The following TINAG variants were observed in gnomAD, a reference collection of about 807,000 sequenced individuals.
The protein encoded by TINAG is tubulointerstitial nephritis antigen.
Under a neutral mutation model 72.7 loss-of-function variants are expected in TINAG, and 83 were observed. The observed-to-expected ratio is 1.14, with a 90% CI of 0.96 to 1.37. TINAG has a LOEUF of 1.37. Ranked by LOEUF, TINAG falls within the 40% of genes most tolerant of loss-of-function variation. The probability of loss-of-function intolerance (pLI) is 0.00; values close to 1 mark genes in which losing one functional copy is unlikely to be tolerated. For synonymous variants in TINAG, 234 were observed against 189.9 expected, an observed-to-expected ratio of 1.23 and a Z score of -1.91; for missense variants, 685 against 576.6, an observed-to-expected ratio of 1.19 and a Z score of -1.93.
chr6:54,339,338 A>G (rs571033294), intron 4 of TINAG, among the ~76,000 whole-genome samples: 83 of 152,174 alleles, frequency 5.5e-4, no homozygotes, highest in Non-Finnish European at 1.0e-3. Flanking sequence ...TCCATTGCCC[A>G]GCACCTTTAT....
intron 1 of TINAG, among the ~76,000 whole-genome samples, chr6:54,314,064 A>T (rs3798276): frequency 6.6e-6 from 1 of 152,008 alleles, no homozygotes; most frequent in Non-Finnish European, 1.5e-5. Context: ...ATTAAGAAGC[A>T]TCGTGTGACT....
rs183919707 is a variant in TINAG, at chr6:54,334,948, T to G, written c.624+8032T>G. On this transcript the variant is annotated intron_variant, in intron 4 of 10. Coordinates refer to ENST00000259782, the MANE Select transcript of TINAG (RefSeq NM_014464.4). Reference sequence around the variant, plus strand: ...AACTGTATGATCAACAGAAAAAGAGTTTTTTTTTTCTGTTTTATTTCTCAT... The same window carrying G: ...AACTGTATGATCAACAGAAAAAGAGGTTTTTTTTTCTGTTTTATTTCTCAT... Among the ~76,000 whole-genome samples, 228 of 148,142 alleles carry G rather than the reference T, an allele frequency of 1.5e-3. 1 individual carries two copies. Among genetic ancestry groups the G allele is most frequent in the African/African-American group, 2.9e-3 (115 of 39,848 alleles).
At chr6:54,386,096 G>A (rs1186220701) in intron 10 of TINAG, among the ~76,000 whole-genome samples, 1 of 151,778 alleles carries the variant, frequency 6.6e-6, no homozygotes, top group East Asian at 1.9e-4. Context: ...TCGCCATGTC[G>A]CCCAGGCTGG....
Position 54,347,435 on chromosome 6 carries a change from T to C in TINAG, c.817T>C (p.Leu273=). 6.2e-7 allele frequency: 1 copy of C among 1,613,344 alleles called. No homozygotes were observed. Among genetic ancestry groups the C allele is most frequent in the Non-Finnish European group, 8.5e-7 (1 of 1,179,584 alleles). Residue 273 remains leucine, a synonymous_variant, in exon 6 of 11, where the codon TTG becomes CTG. Coordinates refer to ENST00000259782, the MANE Select transcript of TINAG (RefSeq NM_014464.4). ...CACGGCCAATCTATCCCCTCAGAATTTGATCTCTTGCTGTGCCAAGAACCG... is the reference window on the plus strand; with the variant it reads ...CACGGCCAATCTATCCCCTCAGAATCTGATCTCTTGCTGTGCCAAGAACCG... ...RYTANLSPQN[L]ISCCAKNRHG...
intron 1 of TINAG, among the ~76,000 whole-genome samples, chr6:54,319,286 A>G (rs1784438144): frequency 1.3e-5 from 2 of 152,164 alleles, no homozygotes; most frequent in Admixed American, 6.6e-5. Context: ...TAGGTAATAA[A>G]ATATTTTAGA....
At chr6:54,372,778 A>ACG (rs150816839) in intron 9 of TINAG, among the ~76,000 whole-genome samples, 42,309 of 147,094 alleles carry the variant, frequency 0.29, 7,006 homozygotes, top group African/African-American at 0.43. Flanking sequence ...ATATACACAC[A>ACG]CACACACATA....
chr6:54,308,245 A>G (rs1438583569), upstream of TINAG: 19 of 825,672 alleles, frequency 2.3e-5, 1 homozygote, highest in Admixed American at 4.5e-4. Flanking sequence ...TAGTCAATGT[A>G]TCTCTATGCA....
Position 54,343,299 on chromosome 6 carries a change from G to A in TINAG, c.698G>A (p.Gly233Asp), listed in dbSNP as rs267601080. ...TATAAATGGCCTGGATGGACTCATGGCCCATTGGATCAAAAAAATTGTGCT... is the reference window on the plus strand; with the variant it reads ...TATAAATGGCCTGGATGGACTCATGACCCATTGGATCAAAAAAATTGTGCT... ...ASYKWPGWTH[G>D]PLDQKNCAAS... is the part of the protein sequence containing the mutation. Residue 233 changes from glycine (G) to aspartate (D), a missense_variant, in exon 5 of 11, where the codon GGC (glycine) becomes GAC (aspartate). Physicochemically the swap from Gly to Asp is moderately conservative, Grantham distance 94. Coordinates refer to ENST00000259782, the MANE Select transcript of TINAG (RefSeq NM_014464.4). 2.5e-6 allele frequency: 4 copies of A among 1,573,816 alleles called. No homozygotes were observed. The African/African-American group carries it at 4.1e-5, about 16-fold the overall frequency.
At chr6:54,383,732 A>C (rs1248011998) in intron 10 of TINAG, among the ~76,000 whole-genome samples, 1 of 152,174 alleles carries the variant, frequency 6.6e-6, no homozygotes, top group Non-Finnish European at 1.5e-5. Context: ...ATTAAGAAAA[A>C]TCTAGATGAA....
intron 5 of TINAG, among the ~76,000 whole-genome samples, chr6:54,343,890 T>C (rs1316317286): frequency 6.6e-6 from 1 of 152,174 alleles, no homozygotes; most frequent in Non-Finnish European, 1.5e-5. Flanking sequence ...GATCTTTTAA[T>C]AAGAATAGCT....
intron 9 of TINAG, among the ~76,000 whole-genome samples, chr6:54,370,819 T>C (rs12664425): frequency 0.16 from 23,934 of 152,042 alleles, 2,026 homozygotes; most frequent in Non-Finnish European, 0.18. Flanking sequence ...TTGCCTTGTC[T>C]GTCAGTACTG....
chr6:54,388,500 G>A (rs1764162168), intron 10 of TINAG, among the ~76,000 whole-genome samples: 1 of 152,092 alleles, frequency 6.6e-6, no homozygotes, highest in South Asian at 2.1e-4. Context: ...CTCTTACATT[G>A]TAGAAAACAG....
intron 9 of TINAG, among the ~76,000 whole-genome samples, chr6:54,356,447 G>T (rs1337558333): frequency 6.6e-6 from 1 of 151,942 alleles, no homozygotes; most frequent in Non-Finnish European, 1.5e-5. Flanking sequence ...TGAGGCACGA[G>T]AATCGCTTAA....
chr6:54,333,158 C>T (rs1031084477), intron 4 of TINAG, among the ~76,000 whole-genome samples: 3 of 152,118 alleles, frequency 2.0e-5, no homozygotes, highest in African/African-American at 4.8e-5. Flanking sequence ...ACTATAAAGA[C>T]ACATGTACAC....
At chr6:54,316,934 T>C (rs974020350) in intron 1 of TINAG, among the ~76,000 whole-genome samples, 6 of 152,220 alleles carry the variant, frequency 3.9e-5, no homozygotes, top group Admixed American at 6.6e-5. Context: ...CTTTAAATGC[T>C]GTTAAAGTCA....
At chr6:54,366,078 T>A (rs1291920753) in intron 9 of TINAG, among the ~76,000 whole-genome samples, 3 of 151,616 alleles carry the variant, frequency 2.0e-5, no homozygotes, top group Non-Finnish European at 4.4e-5. Context: ...TAAACAACTG[T>A]AGTAGAACTC....
In TINAG at chr6:54,326,889, C is replaced by T. The variant is rs1184886174; in HGVS notation, c.597C>T (p.Pro199=). 1.3e-5 allele frequency: 21 copies of T among 1,612,658 alleles called. No individual in the cohort carries two copies. Among genetic ancestry groups the T allele is most frequent in the Non-Finnish European group, 1.8e-5 (21 of 1,179,742 alleles). Residue 199 remains proline (P), a synonymous_variant, in exon 4 of 11, where the codon CCC becomes CCT. Transcript: ENST00000259782. ...GCCTTGGCACTTTGCCACCTAGTCC[C>T]ATGCTCCTGAGCATGAATGAAATGA... is the stretch of plus-strand genomic sequence containing the variant. The part of the protein sequence containing the change: ...KFRLGTLPPS[P]MLLSMNEMTA...
chr6:54,368,519 G>C (rs1763506509), intron 9 of TINAG, among the ~76,000 whole-genome samples: 2 of 150,670 alleles, frequency 1.3e-5, no homozygotes, highest in South Asian at 4.2e-4. Flanking sequence ...AATTAATAAT[G>C]TACCTCTTCC....
In TINAG at chr6:54,308,697, A is replaced by G. The variant is rs1217646215; in HGVS notation, c.147A>G (p.Arg49=). ...TTTTGCAAGGTACTCGATTCAAAAG[A>G]GCCATTTTCCAAGGGCAATACTGTA... ...HTVLQGTRFK[R]AIFQGQYCRN... Residue 49 remains arginine, a synonymous_variant, in exon 1 of 11, where the codon AGA becomes AGG. Coordinates refer to ENST00000259782, the MANE Select transcript of TINAG (RefSeq NM_014464.4). 1 of 1,613,792 alleles carries G rather than the reference A, an allele frequency of 6.2e-7. No homozygotes were observed. The highest frequency in any genetic ancestry group is 8.5e-7 in the Non-Finnish European group (1 of 1,179,898).
Sources: allele counts gnomAD v4.1 joint callset (sites outside exome capture counted in the v4.1 genomes callset), GRCh38; gene constraint gnomAD v4.1.1; transcripts MANE v1.5; gene names NCBI Gene and HGNC (gene_info 2026-07-23, HGNC 2026-07-21).